Variants in XYLT1 observed in about 807,000 individuals in gnomAD.
The protein encoded by XYLT1 is beta-D-xylosyltransferase 1.
XYLT1 carries 36 observed loss-of-function variants against 91.3 expected under a neutral mutation model. That is an observed-to-expected ratio of 0.39 (90% CI 0.30 to 0.52). The LOEUF (loss-of-function observed/expected upper bound fraction) is 0.52. Ranked by LOEUF, XYLT1 falls within the 20% of genes least tolerant of loss-of-function variation. The probability of loss-of-function intolerance (pLI) is 0.68; values close to 1 mark genes in which losing one functional copy is unlikely to be tolerated. For missense variants in XYLT1, 1,242 were observed against 1,284.5 expected (o/e 0.97, Z 0.51); for synonymous variants, 588 against 532.0 (o/e 1.11, Z -1.45).
chr16:17,229,915 T>C (rs2033133186), intron 3 of XYLT1, among the ~76,000 whole-genome samples: 1 of 152,222 alleles, frequency 6.6e-6, no homozygotes, highest in Admixed American at 6.5e-5. Flanking sequence ...TAGAATGGGC[T>C]AGAAATCCAA....
chr16:17,141,063 A>C, intron 7 of XYLT1, 90 bp downstream of exon 7: 2 of 1,320,496 alleles, frequency 1.5e-6, no homozygotes, highest in Non-Finnish European at 2.1e-6. Flanking sequence ...GTGGACCCAG[A>C]ATCTCTTTGC....
At chr16:17,185,929 G>A (rs2032173108) in intron 5 of XYLT1, among the ~76,000 whole-genome samples, 1 of 152,012 alleles carries the variant, frequency 6.6e-6, no homozygotes, top group Non-Finnish European at 1.5e-5. Flanking sequence ...TGAACTGGGA[G>A]GTGGAAGTTG....
chr16:17,451,751 GCCCATCAC>G (rs2141951118), intron 1 of XYLT1, among the ~76,000 whole-genome samples: 1 of 152,156 alleles, frequency 6.6e-6, no homozygotes, highest in Non-Finnish European at 1.5e-5. Context: ...GAAGACTCTT[GCCCATCAC>G]CCCAGGGACC....
chr16:17,156,624 C>T (rs143063813), intron 6 of XYLT1, among the ~76,000 whole-genome samples: 38 of 152,316 alleles, frequency 2.5e-4, no homozygotes, highest in African/African-American at 8.9e-4. Context: ...GAGAATAATT[C>T]TTACAGCTGC....
At chr16:17,400,147 A>AG (rs1491274212) in intron 1 of XYLT1, among the ~76,000 whole-genome samples, 3 of 152,186 alleles carry the variant, frequency 2.0e-5, no homozygotes, top group African/African-American at 7.2e-5. Context: ...CAGGAAGGAC[A>AG]GGGGCTGACA....
intron 6 of XYLT1, among the ~76,000 whole-genome samples, chr16:17,144,901 G>A (rs1597150756): frequency 6.6e-6 from 1 of 152,160 alleles, no homozygotes; most frequent in Non-Finnish European, 1.5e-5. Flanking sequence ...TTAAAATTAA[G>A]CATTTAAGGT....
At position 17,386,961 on chromosome 16, in the gene XYLT1, T is replaced by C. The variant is rs578035879; in HGVS notation, c.364-28911A>G. 2.0e-4 allele frequency among the ~76,000 whole-genome samples: 31 copies of C among 152,286 alleles called. No homozygotes were observed. In the South Asian group the frequency reaches 5.2e-3, roughly 25 times the overall value. ...TGAACCTGGCTCTGAGGTTAGATTA[T>C]AAAAGGTAAGATCCTTGTCTCAAAG... On this transcript the variant is annotated intron_variant, in intron 1 of 11. Transcript: ENST00000261381.
intron 1 of XYLT1, among the ~76,000 whole-genome samples, chr16:17,437,685 C>T (rs1318147686): frequency 3.3e-5 from 5 of 152,064 alleles, no homozygotes; most frequent in African/African-American, 9.7e-5. Context: ...GGAATCAGAT[C>T]GCTCCTTCAA....
intron 5 of XYLT1, among the ~76,000 whole-genome samples, chr16:17,194,482 G>A (rs1213692777): frequency 6.6e-6 from 1 of 152,238 alleles, no homozygotes; most frequent in Non-Finnish European, 1.5e-5. Flanking sequence ...CCTCCACTGG[G>A]AATCCAGAGA....
intron 3 of XYLT1, among the ~76,000 whole-genome samples, chr16:17,221,549 C>A (rs901962856): frequency 6.6e-6 from 1 of 152,106 alleles, no homozygotes; most frequent in East Asian, 1.9e-4. Context: ...GCTTCCAAAG[C>A]CATTACTCCA....
intron 3 of XYLT1, among the ~76,000 whole-genome samples, chr16:17,225,046 G>T (rs554675800): frequency 6.6e-6 from 1 of 152,180 alleles, no homozygotes; most frequent in South Asian, 2.1e-4. Context: ...CCAGTCCCTG[G>T]TTTAACAGAT....
intron 5 of XYLT1, among the ~76,000 whole-genome samples, chr16:17,171,590 G>A (rs911220135): frequency 1.1e-4 from 16 of 152,178 alleles, no homozygotes; most frequent in South Asian, 4.1e-4. Flanking sequence ...ATTTTTAAAC[G>A]GATTTTTTCT....
At chr16:17,405,573 G>A (rs1228788101) in intron 1 of XYLT1, among the ~76,000 whole-genome samples, 1 of 152,180 alleles carries the variant, frequency 6.6e-6, no homozygotes, top group Non-Finnish European at 1.5e-5. Context: ...TCTTCCTCGG[G>A]GGCCGTAGCT....
At chr16:17,380,371 C>T (rs1453543134) in intron 1 of XYLT1, among the ~76,000 whole-genome samples, 2 of 152,160 alleles carry the variant, frequency 1.3e-5, no homozygotes, top group Non-Finnish European at 2.9e-5. Context: ...AAGCAGTTGA[C>T]TCTCAGTAAC....
chr16:17,470,847 G>A lies in XYLT1; in HGVS notation c.-51C>T, dbSNP rs1435054612. 1.5e-5 allele frequency: 13 copies of A among 840,994 alleles called. No individual in the cohort carries two copies. Among genetic ancestry groups the A allele is most frequent in the Admixed American group, 7.1e-4 (1 of 1,402 alleles). 52.1% of individuals were successfully genotyped at this position (840,994 alleles called of 1,614,324 possible). A position where few individuals can be genotyped will look rare whatever the true frequency, so the allele number is the denominator to read the frequency against. The stretch of plus-strand genomic sequence containing the variant: ...GCGCGGGGACCCCGGCACGCTCCGG[G>A]CCGCCCCCGCGCTCCCCGCAGCTCC... On this transcript the variant is annotated 5_prime_UTR_variant, in exon 1 of 12. Coordinates refer to ENST00000261381, the MANE Select transcript of XYLT1 (RefSeq NM_022166.4).
intron 2 of XYLT1, among the ~76,000 whole-genome samples, chr16:17,352,571 G>A (rs995567847): frequency 3.9e-5 from 6 of 152,104 alleles, no homozygotes; most frequent in Non-Finnish European, 7.4e-5. Context: ...TCTGTCATTG[G>A]GTCTTTTTGC....
chr16:17,139,677 A>AGAT (rs991934191), intron 7 of XYLT1, among the ~76,000 whole-genome samples: 50 of 152,340 alleles, frequency 3.3e-4, no homozygotes, highest in African/African-American at 1.2e-3. Context: ...AGCAGTGGGA[A>AGAT]GATGTACCCA....
chr16:17,321,747 G>T (rs987230321), intron 2 of XYLT1, among the ~76,000 whole-genome samples: 1 of 151,936 alleles, frequency 6.6e-6, no homozygotes, highest in Non-Finnish European at 1.5e-5. Flanking sequence ...AGACATTGTG[G>T]TTCCAGGGAT....
chr16:17,416,118 A>G (rs2036177004), intron 1 of XYLT1, among the ~76,000 whole-genome samples: 1 of 152,178 alleles, frequency 6.6e-6, no homozygotes, highest in African/African-American at 2.4e-5. Flanking sequence ...GCTGTCCTGC[A>G]CTCTGTAGAA....
Sources: gnomAD v4.1 joint callset for allele counts (sites outside exome capture counted in the v4.1 genomes callset) on GRCh38, gnomAD v4.1.1 for gene constraint, MANE v1.5 for transcripts, NCBI Gene and HGNC (gene_info 2026-07-23, HGNC 2026-07-21) for gene names.